The following DKK2 variants were observed in gnomAD, a reference collection of about 807,000 sequenced individuals.
DKK2 encodes the protein dickkopf-related protein 2.
Under a neutral mutation model 28.1 loss-of-function variants are expected in DKK2, and 11 were observed. That is an observed-to-expected ratio of 0.39 (90% CI 0.25 to 0.65). The LOEUF (loss-of-function observed/expected upper bound fraction) is 0.65, where lower values mean the gene tolerates loss of function less well. Among genes scored for constraint, DKK2 ranks in the 30% least tolerant of loss-of-function variants. The probability of loss-of-function intolerance (pLI) is 0.47; values close to 1 mark genes in which losing one functional copy is unlikely to be tolerated. For synonymous variants in DKK2, 135 were observed against 126.5 expected, an observed-to-expected ratio of 1.07 and a Z score of -0.45; for missense variants, 326 against 335.5, an observed-to-expected ratio of 0.97 and a Z score of 0.22.
chr4:106,924,442 G>T, intron 3 of DKK2, 103 bp downstream of exon 3: 1 of 1,421,178 alleles, frequency 7.0e-7, no homozygotes, highest in Non-Finnish European at 9.5e-7. Flanking sequence ...TAGGATTAAA[G>T]AAACTTCCTT....
chr4:107,013,360 CA>C (rs1723541712), intron 1 of DKK2, among the ~76,000 whole-genome samples: 1 of 150,918 alleles, frequency 6.6e-6, no homozygotes, highest in Non-Finnish European at 1.5e-5. Flanking sequence ...ACCAATGGAA[CA>C]AAATAGAGAA....
chr4:107,017,251 T>C (rs1723622918), intron 1 of DKK2, among the ~76,000 whole-genome samples: 1 of 152,010 alleles, frequency 6.6e-6, no homozygotes, highest in South Asian at 2.1e-4. Context: ...CAATATATGG[T>C]TCATTTTAGA....
At chr4:106,957,845 T>G (rs1240467366) in intron 1 of DKK2, among the ~76,000 whole-genome samples, 1 of 150,198 alleles carries the variant, frequency 6.7e-6, no homozygotes, top group African/African-American at 2.4e-5. Flanking sequence ...ATGGCACATG[T>G]ATACATATGT....
rs778988643 is a variant in DKK2 at position 107,035,849 on chromosome 4, C to T, written c.-258G>A. 1.1e-5 allele frequency: 6 copies of T among 529,398 alleles called. No homozygotes were observed. Among genetic ancestry groups the T allele is most frequent in the Non-Finnish European group, 1.7e-5 (5 of 295,000 alleles). The allele number at this position is 529,398 out of a possible 1,614,324, so 32.8% of individuals were successfully genotyped here. A position where few individuals can be genotyped will look rare whatever the true frequency, so the allele number is the denominator to read the frequency against. On this transcript the variant is annotated 5_prime_UTR_variant, in exon 1 of 4. Coordinates refer to ENST00000285311, the MANE Select transcript of DKK2 (RefSeq NM_014421.3). ...TGCAATAACTGGAAGCAATCAAATG[C>T]GAGGCGCTTTCTCGCCAAGGAGGCG...
Position 106,922,719 on chromosome 4 carries a change from G to T in DKK2, c.*1235C>A, listed in dbSNP as rs1724364276. On this transcript the variant is annotated 3_prime_UTR_variant, in exon 4 of 4. Transcript: ENST00000285311. ...CTATAAAATAAATAATTTGAGGATA[G>T]TACGGACACAGGACCTCACACTGAA... 1 of 152,118 alleles carries T rather than the reference G, an allele frequency of 6.6e-6. No homozygotes were observed. Among genetic ancestry groups the T allele is most frequent in the Non-Finnish European group, 1.5e-5 (1 of 68,024 alleles). 9.4% of individuals were successfully genotyped at this position (152,118 alleles called of 1,614,324 possible).
chr4:106,949,154 G>A (rs952843692), intron 1 of DKK2, among the ~76,000 whole-genome samples: 1 of 152,140 alleles, frequency 6.6e-6, no homozygotes, highest in Non-Finnish European at 1.5e-5. Flanking sequence ...TTGAGGTTGG[G>A]TAAGGTGGAG....
At chr4:106,988,844 T>A (rs997881388) in intron 1 of DKK2, among the ~76,000 whole-genome samples, 58 of 152,252 alleles carry the variant, frequency 3.8e-4, no homozygotes, top group African/African-American at 1.1e-3. Flanking sequence ...TTGTGTACAG[T>A]TTACATGTTT....
At chr4:106,953,140 TC>T (rs1046040468) in intron 1 of DKK2, among the ~76,000 whole-genome samples, 1 of 152,176 alleles carries the variant, frequency 6.6e-6, no homozygotes, top group African/African-American at 2.4e-5. Context: ...TTTGTGGTAT[TC>T]CCATTTGTGT....
At chr4:106,955,632 C>A (rs1722579428) in intron 1 of DKK2, among the ~76,000 whole-genome samples, 1 of 152,074 alleles carries the variant, frequency 6.6e-6, no homozygotes, top group Non-Finnish European at 1.5e-5. Flanking sequence ...TAAGGATCAA[C>A]AAATACATGA....
At chr4:107,010,890 T>A (rs1341733010) in intron 1 of DKK2, among the ~76,000 whole-genome samples, 3 of 151,080 alleles carry the variant, frequency 2.0e-5, no homozygotes, top group African/African-American at 7.3e-5. Flanking sequence ...ATATAAATAA[T>A]ATATTTTAAT....
intron 1 of DKK2, among the ~76,000 whole-genome samples, chr4:106,926,220 A>G (rs1272202719): frequency 6.6e-6 from 1 of 152,162 alleles, no homozygotes; most frequent in Non-Finnish European, 1.5e-5. Flanking sequence ...TTAGACTTTT[A>G]TTGATTCATA....
intron 1 of DKK2, among the ~76,000 whole-genome samples, chr4:107,020,811 A>G (rs906564012): frequency 2.0e-5 from 3 of 152,036 alleles, no homozygotes; most frequent in East Asian, 3.9e-4. Flanking sequence ...TAAGTTGCAC[A>G]TGAAGTAACA....
intron 1 of DKK2, among the ~76,000 whole-genome samples, chr4:106,931,863 T>C (rs1156654529): frequency 6.6e-6 from 1 of 152,120 alleles, no homozygotes; most frequent in East Asian, 1.9e-4. Flanking sequence ...CCTTTGTGAG[T>C]TTAAGATGCC....
chr4:107,032,709 G>A lies in DKK2; in HGVS notation c.222+2661C>T, dbSNP rs186972901. Among the ~76,000 whole-genome samples, 849 of 152,168 alleles carry A rather than the reference G, an allele frequency of 5.6e-3. 6 individuals carry two copies. Among genetic ancestry groups the A allele is most frequent in the Non-Finnish European group, 6.9e-3 (471 of 67,946 alleles). The stretch of plus-strand genomic sequence containing the variant: ...AAAGGAATATATTTCAACATCATCT[G>A]TCAAGTATAAAGGGAATTGGGGGAA... On this transcript the variant is annotated intron_variant, in intron 1 of 3. Transcript: ENST00000285311.
intron 1 of DKK2, among the ~76,000 whole-genome samples, chr4:106,986,388 G>A (rs532089624): frequency 1.4e-3 from 208 of 152,256 alleles, no homozygotes; most frequent in Non-Finnish European, 2.0e-3. Flanking sequence ...TTAGTTGAAT[G>A]GAAGTCATTG....
intron 1 of DKK2, among the ~76,000 whole-genome samples, chr4:106,990,058 C>G (rs991771586): frequency 1.3e-5 from 2 of 151,826 alleles, no homozygotes. Flanking sequence ...CATTTACAGC[C>G]CATTCCTGTT....
intron 1 of DKK2, among the ~76,000 whole-genome samples, chr4:107,015,872 T>C (rs1723594808): frequency 6.6e-6 from 1 of 151,798 alleles, no homozygotes; most frequent in Non-Finnish European, 1.5e-5. Context: ...ATGCCTTTGT[T>C]TGCTAAAACA....
chr4:106,933,929 G>T (rs762962120), intron 1 of DKK2, among the ~76,000 whole-genome samples: 2 of 151,902 alleles, frequency 1.3e-5, no homozygotes, highest in Non-Finnish European at 2.9e-5. Flanking sequence ...TAACATATGG[G>T]TTCAGAAATG....
chr4:106,924,938 G>T (rs1231001409), intron 2 of DKK2, among the ~76,000 whole-genome samples: 1 of 152,032 alleles, frequency 6.6e-6, no homozygotes, highest in Non-Finnish European at 1.5e-5. Flanking sequence ...ACAAAACTGG[G>T]AATAAAAGCA....
Sources: allele counts gnomAD v4.1 joint callset (sites outside exome capture counted in the v4.1 genomes callset), GRCh38; gene constraint gnomAD v4.1.1; transcripts MANE v1.5; gene names NCBI Gene and HGNC (gene_info 2026-07-23, HGNC 2026-07-21).